The following TTLL9 variants were observed in gnomAD, a reference collection of about 807,000 sequenced individuals.
TTLL9 encodes the protein tubulin tyrosine ligase like 9.
Under a neutral mutation model 65.6 loss-of-function variants are expected in TTLL9, and 47 were observed. That is an observed-to-expected ratio of 0.72 (90% confidence interval 0.57 to 0.91). TTLL9 has a LOEUF of 0.91. Ranked by LOEUF, TTLL9 falls within the 40% of genes least tolerant of loss-of-function variation. TTLL9 has a pLI of 0.00. For synonymous variants in TTLL9, 179 were observed against 204.8 expected, an observed-to-expected ratio of 0.87 and a Z score of 1.07; for missense variants, 537 against 568.8, an observed-to-expected ratio of 0.94 and a Z score of 0.57.
At chr20:31,904,656 C>G (rs960234697) in intron 4 of TTLL9, among the ~76,000 whole-genome samples, 1 of 152,080 alleles carries the variant, frequency 6.6e-6, no homozygotes, top group Non-Finnish European at 1.5e-5. Context: ...CCGTGCCTGG[C>G]CTTTTTTAAG....
chr20:31,915,152 A>G (rs1264127223), intron 6 of TTLL9, among the ~76,000 whole-genome samples: 1 of 152,192 alleles, frequency 6.6e-6, no homozygotes, highest in Admixed American at 6.5e-5. Context: ...GGCATGGCTA[A>G]CACTCCTATG....
At chr20:31,936,301 A>G (rs896472803) in intron 12 of TTLL9, among the ~76,000 whole-genome samples, 1 of 152,160 alleles carries the variant, frequency 6.6e-6, no homozygotes, top group African/African-American at 2.4e-5. Flanking sequence ...AGATGTTTAC[A>G]TAAAAATCAG....
At chr20:31,879,980 G>GA (rs1162201819) in intron 2 of TTLL9, 1 of 1,164,086 alleles carries the variant, frequency 8.6e-7, no homozygotes, top group African/African-American at 1.6e-5. Flanking sequence ...ATCGGTTGGG[G>GA]ATGGGTGTTC....
At position 31,937,630 on chromosome 20, in the gene TTLL9, C is replaced by T. The variant is rs1353450312; in HGVS notation, c.1118+121C>T. ...GCCCTCAGCGATGGCTCTGGCCTGC[C>T]CCACCACTTTATAGATGGAGAAGCT... On this transcript the variant is annotated intron_variant, in intron 13 of 14. Transcript: ENST00000535842. 79 of 706,474 alleles carry T rather than the reference C, an allele frequency of 1.1e-4. 1 individual carries two copies. In the East Asian group the frequency reaches 1.5e-3, roughly 14 times the overall value. The allele number at this position is 706,474 out of a possible 1,614,324, so 43.8% of individuals were successfully genotyped here.
intron 2 of TTLL9, among the ~76,000 whole-genome samples, chr20:31,883,172 G>A (rs1174320824): frequency 6.6e-6 from 1 of 150,870 alleles, no homozygotes; most frequent in Non-Finnish European, 1.5e-5. Flanking sequence ...TCAGTGCAGG[G>A]AAAAAACCTT....
rs892193815 is a variant in TTLL9, at chr20:31,943,738, C to T, written c.*717C>T. On this transcript the variant is annotated 3_prime_UTR_variant, in exon 15 of 15. Transcript: ENST00000535842. ...TCTGCAAAGGTGCATTTATCTAAGT[C>T]AGATGGGTGACTTAAGTGCTTCTCT... The T allele has an allele frequency of 8.8e-6, 4 of 456,706 alleles. No individual in the cohort carries two copies. Among genetic ancestry groups the T allele is most frequent in the African/African-American group, 8.0e-5 (4 of 50,188 alleles). The allele number at this position is 456,706 out of a possible 1,614,324, so 28.3% of individuals were successfully genotyped here. A position where few individuals can be genotyped will look rare whatever the true frequency, so the allele number is the denominator to read the frequency against.
At chr20:31,891,110 G>C (rs2063302297) in intron 3 of TTLL9, among the ~76,000 whole-genome samples, 1 of 152,188 alleles carries the variant, frequency 6.6e-6, no homozygotes, top group Admixed American at 6.5e-5. Context: ...TAGGGTACGT[G>C]CATATTCGAC....
chr20:31,873,711 AAAGAAAG>A (rs1421506511), intron 2 of TTLL9, among the ~76,000 whole-genome samples: 3 of 147,162 alleles, frequency 2.0e-5, no homozygotes, highest in African/African-American at 7.6e-5. Flanking sequence ...AGAAAGAAAG[AAAGAAAG>A]AAAGAAAGAA....
intron 10 of TTLL9, 124 bp from the exon 11 acceptor site, chr20:31,933,676 C>A: frequency 1.2e-6 from 1 of 867,434 alleles, no homozygotes; most frequent in Non-Finnish European, 1.7e-6. Flanking sequence ...CCAAAGCTCA[C>A]ACACACGACC....
At chr20:31,872,746 A>T (rs2062955823) in intron 2 of TTLL9, among the ~76,000 whole-genome samples, 1 of 152,200 alleles carries the variant, frequency 6.6e-6, no homozygotes, top group African/African-American at 2.4e-5. Flanking sequence ...GAGTATTTCC[A>T]GCAGAAGGAA....
chr20:31,879,761 G>A, intron 2 of TTLL9: 1 of 1,508,304 alleles, frequency 6.6e-7, no homozygotes, highest in Non-Finnish European at 8.9e-7. Context: ...CCGAGAGCAT[G>A]CCCTTGGCTC....
At chr20:31,925,097 G>T (rs1435541729) in intron 9 of TTLL9, 48 bp downstream of exon 9, 4 of 1,607,026 alleles carry the variant, frequency 2.5e-6, no homozygotes, top group Non-Finnish European at 3.4e-6. Context: ...TTAAAGGGTG[G>T]CTGGGCTAGG....
At position 31,909,727 on chromosome 20, in the gene TTLL9, C is replaced by G; in HGVS notation, c.319-10C>G. On this transcript the variant is annotated splice_polypyrimidine_tract_variant and intron_variant, in intron 5 of 14. Coordinates refer to ENST00000535842, the MANE Select transcript of TTLL9 (RefSeq NM_001008409.5). ...GGAGCTAATGGCCGCCTGTCCTTCC[C>G]GCCACCCAGCTGACCCGGAAGAACT... 1 of 1,611,638 alleles carries G rather than the reference C, an allele frequency of 6.2e-7. No homozygotes were observed. The highest frequency in any genetic ancestry group is 8.5e-7 in the Non-Finnish European group (1 of 1,178,872).
At chr20:31,922,903 C>A in intron 7 of TTLL9, 60 bp from the exon 8 acceptor site, 1 of 1,383,498 alleles carries the variant, frequency 7.2e-7, no homozygotes. Flanking sequence ...TAACAGAATA[C>A]CTAGTACACA....
At chr20:31,879,003 C>CA (rs1200183652) in intron 2 of TTLL9, among the ~76,000 whole-genome samples, 1 of 152,112 alleles carries the variant, frequency 6.6e-6, no homozygotes, top group Non-Finnish European at 1.5e-5. Flanking sequence ...ATGTCCTTCC[C>CA]AGTCAACCCC....
intron 4 of TTLL9, among the ~76,000 whole-genome samples, 153 bp from the exon 5 acceptor site, chr20:31,908,438 G>T (rs1031394457): frequency 2.0e-5 from 3 of 152,126 alleles, no homozygotes; most frequent in African/African-American, 7.2e-5. Context: ...AGCACATGTA[G>T]GCCAGTGGCA....
intron 1 of TTLL9, 68 bp from the exon 2 acceptor site, chr20:31,871,054 C>T (rs1182942775): frequency 6.9e-7 from 1 of 1,445,914 alleles, no homozygotes; most frequent in African/African-American, 1.4e-5. Flanking sequence ...TTCACTCATT[C>T]ACTCGTCCAT....
At chr20:31,910,717 A>G (rs761020757) in intron 6 of TTLL9, among the ~76,000 whole-genome samples, 2 of 152,238 alleles carry the variant, frequency 1.3e-5, no homozygotes, top group African/African-American at 2.4e-5. Context: ...TAAGTACTCA[A>G]TAAATGAGAA....
intron 12 of TTLL9, among the ~76,000 whole-genome samples, chr20:31,935,910 T>C (rs994192024): frequency 8.5e-5 from 13 of 152,202 alleles, no homozygotes; most frequent in Admixed American, 2.6e-4. Flanking sequence ...ACTCCGGCTG[T>C]GCCCCTCCGT....
Sources: allele counts gnomAD v4.1 joint callset (sites outside exome capture counted in the v4.1 genomes callset), GRCh38; gene constraint gnomAD v4.1.1; transcripts MANE v1.5; gene names NCBI Gene and HGNC (gene_info 2026-07-23, HGNC 2026-07-21).